The following PRH1 variants were observed in gnomAD, a reference collection of about 807,000 sequenced individuals.
PRH1 encodes the protein salivary acidic proline-rich phosphoprotein 1/2.
Under a neutral mutation model 7.9 loss-of-function variants are expected in PRH1, and 7 were observed. That is an observed-to-expected ratio of 0.89 (90% CI 0.50 to 1.67). The LOEUF is 1.67. PRH1 is among the 40% of genes most tolerant of loss of function. The pLI is 0.00. For missense variants in PRH1, 109 were observed against 223.6 expected (o/e 0.49, Z 3.27); for synonymous variants, 45 against 80.8 (o/e 0.56, Z 2.38).
At chr12:11,112,996 C>T (rs745400186) in intron 1 of PRH1, among the ~76,000 whole-genome samples, 35 of 152,096 alleles carry the variant, frequency 2.3e-4, no homozygotes, top group Non-Finnish European at 3.8e-4. Context: ...CATTCCTATA[C>T]ACCAATAACA....
chr12:10,898,792 GT>G (rs1949684036), intron 2 of PRH1, among the ~76,000 whole-genome samples: 1 of 152,194 alleles, frequency 6.6e-6, no homozygotes, highest in Non-Finnish European at 1.5e-5. Context: ...AATTATCCAT[GT>G]TTTGTCTGGG....
intron 2 of PRH1, among the ~76,000 whole-genome samples, chr12:10,913,721 T>C (rs887047962): frequency 2.0e-5 from 3 of 152,174 alleles, no homozygotes; most frequent in Non-Finnish European, 4.4e-5. Flanking sequence ...TTTTGGTCAA[T>C]AAAATATTGT....
intron 1 of PRH1, among the ~76,000 whole-genome samples, chr12:11,083,932 C>CAT (rs1944585960): frequency 1.4e-4 from 17 of 118,898 alleles, no homozygotes; most frequent in Non-Finnish European, 2.6e-4. Context: ...CTAGTTGGTT[C>CAT]TGCTGGGACA....
At chr12:11,003,551 T>TA (rs1157139285) in intron 1 of PRH1, among the ~76,000 whole-genome samples, 1 of 151,980 alleles carries the variant, frequency 6.6e-6, no homozygotes, top group African/African-American at 2.4e-5. Flanking sequence ...ACCAATGTAA[T>TA]AAATTATAAG....
chr12:10,978,492 T>A (rs964339619), intron 1 of PRH1, among the ~76,000 whole-genome samples: 4 of 151,956 alleles, frequency 2.6e-5, no homozygotes, highest in Non-Finnish European at 4.4e-5. Context: ...ACCTAGGAAA[T>A]ACCTTTCTGG....
At chr12:11,077,997 A>G in intron 1 of PRH1, 1 of 752,372 alleles carries the variant, frequency 1.3e-6, no homozygotes, top group Non-Finnish European at 2.3e-6. Context: ...TAGAAGCAAC[A>G]GCTCCTACTT....
chr12:10,900,428 C>G (rs1013629805), intron 2 of PRH1, among the ~76,000 whole-genome samples: 24 of 152,288 alleles, frequency 1.6e-4, no homozygotes, highest in African/African-American at 5.5e-4. Context: ...AACTAAGCAG[C>G]GTAGCTGTGC....
intron 1 of PRH1, among the ~76,000 whole-genome samples, chr12:11,032,084 T>C (rs1411487351): frequency 6.6e-6 from 1 of 152,240 alleles, no homozygotes; most frequent in Non-Finnish European, 1.5e-5. Flanking sequence ...TCATTCACTG[T>C]CTGTTCTTGT....
At chr12:10,983,287 A>T (rs1939444882) in intron 1 of PRH1, among the ~76,000 whole-genome samples, 1 of 152,218 alleles carries the variant, frequency 6.6e-6, no homozygotes, top group Admixed American at 6.5e-5. Flanking sequence ...CCCTCTAAGC[A>T]TAAGCACTTC....
upstream of PRH1, among the ~76,000 whole-genome samples, chr12:10,887,026 C>T (rs530061799): frequency 1.3e-5 from 2 of 152,330 alleles, no homozygotes; most frequent in African/African-American, 4.8e-5. Context: ...GGTTATATCA[C>T]ATTTGTGCTT....
At chr12:11,039,236 C>T (rs1415905821) in intron 1 of PRH1, among the ~76,000 whole-genome samples, 1 of 151,800 alleles carries the variant, frequency 6.6e-6, no homozygotes, top group Non-Finnish European at 1.5e-5. Flanking sequence ...ACGAGATTCC[C>T]TTTACCTGAC....
At chr12:11,100,077 A>G (rs1349322907) in intron 1 of PRH1, among the ~76,000 whole-genome samples, 2 of 152,212 alleles carry the variant, frequency 1.3e-5, no homozygotes, top group Admixed American at 6.5e-5. Context: ...TCCCTTCAGT[A>G]TATAATCAGA....
At chr12:11,006,166 G>A (rs1319619151) in intron 1 of PRH1, 1 of 151,818 alleles carries the variant, frequency 6.6e-6, no homozygotes, top group African/African-American at 2.4e-5. Flanking sequence ...ACTGCTCTCT[G>A]CCTCAGTATG....
At chr12:10,884,826 A>AG, upstream of PRH1, among the ~76,000 whole-genome samples, 1 of 152,208 alleles carries the variant, frequency 6.6e-6, no homozygotes, top group Admixed American at 6.5e-5. Context: ...ATATGAGAGA[A>AG]AGGTGCTGGC....
chr12:10,885,675 A>T (rs1409315423), upstream of PRH1, among the ~76,000 whole-genome samples: 1 of 152,194 alleles, frequency 6.6e-6, no homozygotes, highest in Non-Finnish European at 1.5e-5. Context: ...CTGCTCATCA[A>T]TTCATAAAAT....
At chr12:11,054,293 C>G (rs535035134) in intron 1 of PRH1, among the ~76,000 whole-genome samples, 2 of 152,246 alleles carry the variant, frequency 1.3e-5, no homozygotes, top group Admixed American at 1.3e-4. Flanking sequence ...CTCTTTTTGG[C>G]TGTTTAATTT....
chr12:11,048,632 T>A (rs1943008688), upstream of PRH1: 1 of 616,764 alleles, frequency 1.6e-6, no homozygotes, highest in East Asian at 3.7e-5. Flanking sequence ...TGGAGCTGCA[T>A]CTTCTTGACA....
At chr12:10,939,069 T>C (rs765565736) in intron 2 of PRH1, 2 of 1,614,008 alleles carry the variant, frequency 1.2e-6, no homozygotes, top group South Asian at 1.1e-5. Flanking sequence ...GCAGTGAGGA[T>C]CCGATCAACC....
chr12:10,973,599 A>G (rs1217723187), intron 2 of PRH1: 3 of 756,768 alleles, frequency 4.0e-6, no homozygotes, highest in Non-Finnish European at 7.4e-6. Flanking sequence ...ACAGGCAGAA[A>G]CCAAGTGTTG....
Sources: allele counts gnomAD v4.1 joint callset (sites outside exome capture counted in the v4.1 genomes callset), GRCh38; gene constraint gnomAD v4.1.1; transcripts MANE v1.5; gene names NCBI Gene and HGNC (gene_info 2026-07-23, HGNC 2026-07-21).